RNF17: variants seen among roughly 807,000 people sequenced by gnomAD.
RNF17 encodes spermatogenesis associated 23.
Under a neutral mutation model 200.5 loss-of-function variants are expected in RNF17, and 31 were observed. The observed-to-expected ratio is 0.15, with a 90% confidence interval of 0.12 to 0.21. RNF17 has a LOEUF of 0.21. Among genes scored for constraint, RNF17 ranks in the 10% least tolerant of loss-of-function variants. The pLI is 1.00. For missense variants in RNF17, 1,628 were observed against 1,905.1 expected (o/e 0.85, Z 2.71); for synonymous variants, 606 against 637.8 (o/e 0.95, Z 0.75).
chr13:24,764,903 G>T (rs1365072263), intron 1 of RNF17, among the ~76,000 whole-genome samples: 1 of 54,470 alleles, frequency 1.8e-5, no homozygotes, highest in Non-Finnish European at 4.9e-5. Flanking sequence ...GTGTGTGTGT[G>T]TGTGTGTGTG....
At chr13:24,863,778 G>C (rs1314606564) in intron 28 of RNF17, among the ~76,000 whole-genome samples, 1 of 152,186 alleles carries the variant, frequency 6.6e-6, no homozygotes. Flanking sequence ...AATTGACACA[G>C]AAGAATAGCT....
At chr13:24,869,445 T>TAA (rs1262675661) in intron 31 of RNF17, among the ~76,000 whole-genome samples, 1 of 152,228 alleles carries the variant, frequency 6.6e-6, no homozygotes, top group Non-Finnish European at 1.5e-5. Context: ...AATTTACCCC[T>TAA]AAACTTAGCA....
In RNF17 at chr13:24,764,182, G is replaced by T; in HGVS notation, c.-22G>T. The T allele has an allele frequency of 6.4e-7, 1 of 1,571,944 alleles. No homozygotes were observed. Among genetic ancestry groups the T allele is most frequent in the Non-Finnish European group, 8.7e-7 (1 of 1,149,114 alleles). On this transcript the variant is annotated 5_prime_UTR_variant, in exon 1 of 36. Transcript: ENST00000255324. ...CCGCCGGGACTCGCACTCGGCGGTT[G>T]TTCCAGAAGAAAGAGACAGCGATGG...
chr13:24,758,948 T>C, the RNF17 span, among the ~76,000 whole-genome samples: 743 of 151,906 alleles, frequency 4.9e-3, 4 homozygotes, highest in Non-Finnish European at 6.2e-3. Context: ...TGGTGGTGTG[T>C]GCCTGTAGTC....
chr13:24,848,775 T>G (rs34219281), intron 22 of RNF17, among the ~76,000 whole-genome samples: 2,085 of 146,456 alleles, frequency 0.014, 25 homozygotes, highest in Non-Finnish European at 0.022. Flanking sequence ...TTTTAAATGT[T>G]AAATTAATAT....
intron 5 of RNF17, among the ~76,000 whole-genome samples, chr13:24,781,374 G>A (rs1194984918): frequency 1.3e-5 from 2 of 152,096 alleles, no homozygotes; most frequent in Non-Finnish European, 2.9e-5. Context: ...GCTCACACCT[G>A]TAATCCCAGT....
downstream of RNF17, chr13:24,884,171 A>G: frequency 6.2e-7 from 1 of 1,614,182 alleles, no homozygotes. Context: ...CTATTTGTCC[A>G]CTTGAGAAAT....
Position 24,825,688 on chromosome 13 carries a change from A to C in RNF17, c.2161A>C (p.Asn721His), listed in dbSNP as rs1223681858. 1 of 1,612,334 alleles carries C rather than the reference A, an allele frequency of 6.2e-7. No individual in the cohort carries two copies. Among genetic ancestry groups the C allele is most frequent in the South Asian group, 1.1e-5 (1 of 91,026 alleles). ...EEFYKSEDGE[N>H]LEILCPVQDQ... ...ATTCTATAAAAGTGAAGATGGAGAA[A>C]ATCTGGAAATCCTCTGTCCAGTTCA... The change falls in exon 16 of 36, where the codon AAT (asparagine) becomes CAT (histidine). Residue 721 changes from asparagine (N) to histidine (H), a missense_variant. Asn to His is a moderately conservative substitution (Grantham distance 68, BLOSUM62 1). Around this residue, in one of 5 missense-constraint regions of RNF17, gnomAD observed 289 missense variants for 384.9 expected, o/e 0.75. Coordinates refer to ENST00000255324, the MANE Select transcript of RNF17 (RefSeq NM_031277.3).
chr13:24,880,127 A>C (rs1254396686), downstream of RNF17, among the ~76,000 whole-genome samples: 1 of 150,118 alleles, frequency 6.7e-6, no homozygotes, highest in Non-Finnish European at 1.5e-5. Flanking sequence ...TGGTTAATTT[A>C]GAAAGGAAAG....
chr13:24,887,231 TAGG>T, the RNF17 span, among the ~76,000 whole-genome samples: 6 of 152,194 alleles, frequency 3.9e-5, no homozygotes, highest in African/African-American at 1.2e-4. Context: ...AGCCATGAAC[TAGG>T]AGAAGATACT....
intron 2 of RNF17, 99 bp from the exon 3 acceptor site, chr13:24,774,714 A>G: frequency 1.7e-6 from 1 of 605,986 alleles, no homozygotes; most frequent in South Asian, 3.1e-5. Context: ...TAAGGTTATC[A>G]TTAACTTTAT....
At chr13:24,862,114 C>G (rs1191402810) in intron 27 of RNF17, among the ~76,000 whole-genome samples, 1 of 152,182 alleles carries the variant, frequency 6.6e-6, no homozygotes, top group Non-Finnish European at 1.5e-5. Context: ...TCACCTCCCA[C>G]CAGGTTCCTC....
At chr13:24,882,071 GATATATAGATACATCTAT>G (rs1953867298), downstream of RNF17, among the ~76,000 whole-genome samples, 11 of 8,294 alleles carry the variant, frequency 1.3e-3, 1 homozygote, top group East Asian at 5.3e-3. Context: ...CATCTATATA[GATATATAGATACATCTAT>G]ATATATAGAT....
intron 18 of RNF17, among the ~76,000 whole-genome samples, chr13:24,836,693 G>A (rs1890032081): frequency 6.6e-6 from 1 of 152,066 alleles, no homozygotes; most frequent in African/African-American, 2.4e-5. Context: ...ACCACTACAA[G>A]AACTACTAAA....
Position 24,783,792 on chromosome 13 carries a change from A to G in RNF17, c.611+1848A>G, listed in dbSNP as rs556015655. On this transcript the variant is annotated intron_variant, in intron 6 of 35. Transcript: ENST00000255324. ...ATCTTTAGGGTTTTCTGCATGTATG[A>G]TCATGTCATCTGCAAATAAAATATT... Among the ~76,000 whole-genome samples, 3 of 152,236 alleles carry G rather than the reference A, an allele frequency of 2.0e-5. No homozygotes were observed. The East Asian group carries it at 5.8e-4, about 29-fold the overall frequency.
At chr13:24,799,609 C>G (rs763494158) in intron 12 of RNF17, 25 bp downstream of exon 12, 1 of 1,440,022 alleles carries the variant, frequency 6.9e-7, no homozygotes, top group Non-Finnish European at 9.6e-7. Context: ...AATATGTATC[C>G]TTGGCCTGCT....
intron 11 of RNF17, among the ~76,000 whole-genome samples, chr13:24,799,045 A>G (rs1884941174): frequency 6.6e-6 from 1 of 152,218 alleles, no homozygotes; most frequent in East Asian, 1.9e-4. Flanking sequence ...GCTTGTAAGT[A>G]CAGTGTAATT....
chr13:24,768,211 T>C (rs1488668049), intron 2 of RNF17, among the ~76,000 whole-genome samples: 1 of 152,004 alleles, frequency 6.6e-6, no homozygotes, highest in Non-Finnish European at 1.5e-5. Context: ...TGATATCCTA[T>C]TCATTTAATA....
intron 16 of RNF17, among the ~76,000 whole-genome samples, chr13:24,826,294 A>G (rs1888628262): frequency 6.6e-6 from 1 of 152,204 alleles, no homozygotes; most frequent in African/African-American, 2.4e-5. Context: ...AAGACAGAAG[A>G]TTTATGAAAA....
Sources: gnomAD v4.1 joint callset for allele counts (sites outside exome capture counted in the v4.1 genomes callset) on GRCh38, gnomAD v4.1.1 for gene constraint, gnomAD v4.1.1 regional missense constraint, MANE v1.5 for transcripts, NCBI Gene and HGNC (gene_info 2026-07-23, HGNC 2026-07-21) for gene names.